CLSTN2: variants seen among roughly 807,000 people sequenced by gnomAD.
CLSTN2 encodes calsyntenin-2.
CLSTN2 carries 48 observed loss-of-function variants against 101.2 expected under a neutral mutation model. The ratio of observed to expected loss-of-function variants is 0.47; its 90% CI spans 0.38 to 0.60. The LOEUF is 0.60. CLSTN2 is among the 20% of genes least tolerant of loss of function. The pLI, the probability that CLSTN2 is intolerant of heterozygous loss-of-function variation, is 0.00. For missense variants in CLSTN2, 1,160 were observed against 1,238.2 expected, an observed-to-expected ratio of 0.94 and a Z score of 0.95; for synonymous variants, 481 against 463.6, an observed-to-expected ratio of 1.04 and a Z score of -0.48.
At chr3:140,462,566 T>C (rs1465450968) in intron 7 of CLSTN2, among the ~76,000 whole-genome samples, 1 of 152,240 alleles carries the variant, frequency 6.6e-6, no homozygotes, top group Admixed American at 6.5e-5. Flanking sequence ...AACTTACTAA[T>C]GCTGTTCCAT....
In CLSTN2 at chr3:140,427,211, A is replaced by G. The variant is rs1394276065; in HGVS notation, c.787+5937A>G. Among the ~76,000 whole-genome samples, 246 of 78,556 alleles carry G rather than the reference A, an allele frequency of 3.1e-3. 5 individuals are homozygous for G. The highest frequency in any genetic ancestry group is 0.021 in the Admixed American group (147 of 6,920). 51.5% of individuals were successfully genotyped at this position (78,556 alleles called of 152,430 possible). A position where few individuals can be genotyped will look rare whatever the true frequency, so the allele number is the denominator to read the frequency against. On this transcript the variant is annotated intron_variant, in intron 5 of 16. Coordinates refer to ENST00000458420, the MANE Select transcript of CLSTN2 (RefSeq NM_022131.3). ...TATATATATATATATATATGTGTAT[A>G]TATATATATATATGTGTGTATATAT...
intron 8 of CLSTN2, among the ~76,000 whole-genome samples, chr3:140,489,923 G>T (rs141679894): frequency 1.1e-4 from 16 of 148,970 alleles, no homozygotes; most frequent in Admixed American, 2.0e-4. Flanking sequence ...CTAGGGTCCC[G>T]GACAGGTACA....
chr3:140,164,504 G>C (rs1199146730), intron 1 of CLSTN2, among the ~76,000 whole-genome samples: 2 of 152,174 alleles, frequency 1.3e-5, no homozygotes, highest in African/African-American at 2.4e-5. Flanking sequence ...TTTTGTAAAA[G>C]AGAGTGGAGG....
chr3:140,357,645 A>C (rs563324429), intron 2 of CLSTN2, among the ~76,000 whole-genome samples: 1 of 152,174 alleles, frequency 6.6e-6, no homozygotes, highest in Non-Finnish European at 1.5e-5. Context: ...GGCAGAAAAG[A>C]GGCCGCCAGG....
At chr3:140,522,142 G>A (rs964309321) in intron 8 of CLSTN2, among the ~76,000 whole-genome samples, 2 of 152,220 alleles carry the variant, frequency 1.3e-5, no homozygotes, top group South Asian at 4.1e-4. Context: ...TGCTTCCTTT[G>A]GCTTCATGCT....
chr3:139,951,217 G>A (rs1935288622), intron 1 of CLSTN2, among the ~76,000 whole-genome samples: 1 of 152,160 alleles, frequency 6.6e-6, no homozygotes, highest in African/African-American at 2.4e-5. Flanking sequence ...CCATTTCCTG[G>A]TTCTAAGAGG....
At chr3:140,252,945 G>T (rs1424444175) in intron 2 of CLSTN2, among the ~76,000 whole-genome samples, 2 of 152,110 alleles carry the variant, frequency 1.3e-5, no homozygotes, top group South Asian at 2.1e-4. Context: ...GGAAGCCAGG[G>T]TGACCAGGCC....
At chr3:140,209,257 T>C (rs1413680727) in intron 2 of CLSTN2, among the ~76,000 whole-genome samples, 1 of 152,076 alleles carries the variant, frequency 6.6e-6, no homozygotes, top group Admixed American at 6.5e-5. Context: ...CTCCCTTCAA[T>C]AGAAAAGAGA....
At chr3:140,339,321 C>T (rs916397263) in intron 2 of CLSTN2, among the ~76,000 whole-genome samples, 1 of 152,162 alleles carries the variant, frequency 6.6e-6, no homozygotes, top group African/African-American at 2.4e-5. Flanking sequence ...CTCTCTCTCT[C>T]TCTCTCTTCC....
chr3:140,165,108 T>C (rs143340457), intron 1 of CLSTN2, among the ~76,000 whole-genome samples: 1 of 152,216 alleles, frequency 6.6e-6, no homozygotes, highest in Non-Finnish European at 1.5e-5. Flanking sequence ...AAATGTAATC[T>C]CATCTTCTGT....
intron 1 of CLSTN2, among the ~76,000 whole-genome samples, chr3:139,982,680 G>A (rs1234558790): frequency 6.6e-6 from 1 of 152,118 alleles, no homozygotes; most frequent in Non-Finnish European, 1.5e-5. Flanking sequence ...TCCTCCTGTG[G>A]AGTAATGCAT....
At chr3:140,288,652 C>T (rs2086920648) in intron 2 of CLSTN2, among the ~76,000 whole-genome samples, 1 of 152,000 alleles carries the variant, frequency 6.6e-6, no homozygotes, top group Non-Finnish European at 1.5e-5. Flanking sequence ...CTCACTATGC[C>T]CAGTTAGCAT....
In CLSTN2 at chr3:140,164,175, G is replaced by A. The variant is rs192403527; in HGVS notation, c.110-11776G>A. 7.2e-5 allele frequency among the ~76,000 whole-genome samples: 11 copies of A among 152,090 alleles called. No individual in the cohort carries two copies. In the East Asian group the frequency reaches 1.6e-3, roughly 21 times the overall value. ...CCTTTTTCCTTGCCCCTTTTTATTC[G>A]AAATGATCTTTTTCTGCATGGCTCC... On this transcript the variant is annotated intron_variant, in intron 1 of 16. Transcript: ENST00000458420.
chr3:140,431,320 A>C (rs566994833), intron 5 of CLSTN2, among the ~76,000 whole-genome samples: 1 of 152,196 alleles, frequency 6.6e-6, no homozygotes, highest in African/African-American at 2.4e-5. Flanking sequence ...TGGGCCAGAG[A>C]AACACAAAGT....
intron 5 of CLSTN2, among the ~76,000 whole-genome samples, chr3:140,445,036 A>G (rs201278706): frequency 6.6e-6 from 1 of 152,144 alleles, no homozygotes; most frequent in African/African-American, 2.4e-5. Flanking sequence ...AGCTTCATCA[A>G]TTTCTTTTAC....
intron 5 of CLSTN2, among the ~76,000 whole-genome samples, chr3:140,442,635 G>C (rs1263766058): frequency 6.6e-6 from 1 of 152,114 alleles, no homozygotes; most frequent in Non-Finnish European, 1.5e-5. Context: ...ACACCTGCAT[G>C]GATTGATCGA....
chr3:140,358,229 GA>G (rs1386680309), intron 2 of CLSTN2, among the ~76,000 whole-genome samples: 1 of 152,004 alleles, frequency 6.6e-6, no homozygotes, highest in Non-Finnish European at 1.5e-5. Context: ...CTGTCCTTGG[GA>G]AAACTTTCTG....
chr3:140,076,637 T>G (rs1210097115), intron 1 of CLSTN2, among the ~76,000 whole-genome samples: 7 of 141,582 alleles, frequency 4.9e-5, no homozygotes, highest in South Asian at 2.3e-4. Context: ...TTTTTTTTTT[T>G]TTTTTTTTTT....
intron 1 of CLSTN2, among the ~76,000 whole-genome samples, chr3:140,084,952 C>A (rs1409255451): frequency 1.3e-5 from 2 of 152,212 alleles, no homozygotes; most frequent in African/African-American, 4.8e-5. Flanking sequence ...TGTGTGAGTG[C>A]AAATGTGGTG....
Sources: allele counts gnomAD v4.1 joint callset (sites outside exome capture counted in the v4.1 genomes callset), GRCh38; gene constraint gnomAD v4.1.1; transcripts MANE v1.5; gene names NCBI Gene and HGNC (gene_info 2026-07-23, HGNC 2026-07-21).